MSN: variants seen among roughly 807,000 people sequenced by gnomAD.
The protein encoded by MSN is epididymis luminal protein 70.
Under a neutral mutation model 48.0 loss-of-function variants are expected in MSN, and 2 were observed. That is an observed-to-expected ratio of 0.04 (90% CI 0.02 to 0.13). The LOEUF (loss-of-function observed/expected upper bound fraction) is 0.13. Ranked by LOEUF, MSN falls within the 10% of genes least tolerant of loss-of-function variation. The probability of loss-of-function intolerance (pLI) is 1.00; values close to 1 mark genes in which losing one functional copy is unlikely to be tolerated. For synonymous variants in MSN, 146 were observed against 166.9 expected, an observed-to-expected ratio of 0.87 and a Z score of 0.97; for missense variants, 267 against 470.1, an observed-to-expected ratio of 0.57 and a Z score of 3.99.
intron 1 of MSN, among the ~76,000 whole-genome samples, chrX:65,611,834 G>A (rs2070322925): frequency 9.0e-6 from 1 of 111,287 alleles, no homozygotes; most frequent in African/African-American, 3.3e-5. Context: ...CCCACCAACA[G>A]TTCACAGAAG....
intron 1 of MSN, among the ~76,000 whole-genome samples, chrX:65,661,315 T>C (rs1373695129): frequency 8.9e-6 from 1 of 112,045 alleles, no homozygotes; most frequent in African/African-American, 3.2e-5. Context: ...TGAGGGTTTT[T>C]ATCATAAAGG....
intron 1 of MSN, among the ~76,000 whole-genome samples, chrX:65,683,942 C>CTTTTTTTTTTTTTT (rs370356986): frequency 1.2e-5 from 1 of 80,473 alleles, no homozygotes; most frequent in Non-Finnish European, 2.8e-5. Context: ...CTTTCTTTTT[C>CTTTTTTTTTTTTTT]TTTTTTTTTT....
At chrX:65,614,586 A>G (rs994083799) in intron 1 of MSN, among the ~76,000 whole-genome samples, 2 of 107,632 alleles carry the variant, frequency 1.9e-5, no homozygotes, top group Non-Finnish European at 3.8e-5. Context: ...GGTCCTTCAC[A>G]TCCCTTGTAA....
At chrX:65,589,787 C>T (rs1055756546) in intron 1 of MSN, 1 of 112,181 alleles carries the variant, frequency 8.9e-6, no homozygotes, top group African/African-American at 3.2e-5. Flanking sequence ...CCTCTACAAG[C>T]CGACTGAGCC....
intron 1 of MSN, among the ~76,000 whole-genome samples, chrX:65,699,223 T>TCAGA (rs2071275981): frequency 8.9e-6 from 1 of 112,016 alleles, no homozygotes; most frequent in African/African-American, 3.3e-5. Context: ...TTGGGAACAC[T>TCAGA]CAGACCTACA....
chrX:65,696,566 G>A (rs538424836), intron 1 of MSN, among the ~76,000 whole-genome samples: 1 of 110,932 alleles, frequency 9.0e-6, no homozygotes, highest in Admixed American at 9.6e-5. Flanking sequence ...GGGGCTGGGG[G>A]TAGGATTCTT....
chrX:65,693,501 T>C (rs1023573811), intron 1 of MSN, among the ~76,000 whole-genome samples: 1 of 111,405 alleles, frequency 9.0e-6, no homozygotes, highest in Non-Finnish European at 1.9e-5. Context: ...AGTCAATGAG[T>C]GAGGTTGGCT....
chrX:65,682,968 T>G (rs946511551), intron 1 of MSN, among the ~76,000 whole-genome samples: 3 of 111,723 alleles, frequency 2.7e-5, no homozygotes, highest in African/African-American at 9.8e-5. Context: ...GGCCAGCATG[T>G]TCATAGCCAT....
intron 1 of MSN, among the ~76,000 whole-genome samples, chrX:65,703,546 T>A (rs1029536722): frequency 5.4e-5 from 6 of 110,886 alleles, no homozygotes; most frequent in African/African-American, 2.0e-4. Flanking sequence ...CCCCTGGGGT[T>A]GAAAACAGAG....
exon 1 of MSN, chrX:65,588,453 TG>T: frequency 1.9e-6 from 1 of 528,820 alleles, no homozygotes. Context: ...GAGCACACCC[TG>T]GCCCTGGGGC....
rs757977163 is a variant in MSN at position 65,712,546 on chromosome X, A to AT, written c.13-4254dup. ...GACCAACTTAGAAAATGTAGATTAG[A>AT]TTTTTTTTTTTTTTTTTTAGTTTAA... is the stretch of plus-strand genomic sequence containing the variant. On this transcript the variant is annotated intron_variant, in intron 1 of 12. Transcript: ENST00000360270. Among the ~76,000 whole-genome samples the AT allele has an allele frequency of 6.7e-3, 650 of 97,285 alleles. 5 individuals are homozygous for AT. Among genetic ancestry groups the AT allele is most frequent in the African/African-American group, 0.017 (460 of 26,950 alleles). The allele number at this position is 97,285 out of a possible 115,157, so 84.5% of individuals were successfully genotyped here. A position where few individuals can be genotyped will look rare whatever the true frequency, so the allele number is the denominator to read the frequency against.
chrX:65,651,523 T>C, intron 1 of MSN, among the ~76,000 whole-genome samples: 1 of 106,879 alleles, frequency 9.4e-6, no homozygotes, highest in Non-Finnish European at 1.9e-5. Context: ...GGGGGATGTA[T>C]TCTATTTTAG....
chrX:65,686,660 G>A (rs1385117636), intron 1 of MSN, among the ~76,000 whole-genome samples: 2 of 112,406 alleles, frequency 1.8e-5, no homozygotes, highest in Non-Finnish European at 3.8e-5. Flanking sequence ...CTTACTTGCT[G>A]TTTGACCTTG....
intron 2 of MSN, among the ~76,000 whole-genome samples, chrX:65,723,270 T>G (rs778736064): frequency 8.9e-6 from 1 of 112,111 alleles, no homozygotes; most frequent in African/African-American, 3.2e-5. Flanking sequence ...AATTCATTAT[T>G]TATGGAGTAG....
intron 1 of MSN, among the ~76,000 whole-genome samples, chrX:65,644,997 A>T (rs1195707405): frequency 8.9e-6 from 1 of 112,623 alleles, no homozygotes; most frequent in African/African-American, 3.2e-5. Context: ...CCCCAATCTC[A>T]GAACAGAGCT....
At chrX:65,617,529 A>G (rs1295571954) in intron 1 of MSN, among the ~76,000 whole-genome samples, 1 of 106,713 alleles carries the variant, frequency 9.4e-6, no homozygotes, top group Non-Finnish European at 1.9e-5. Flanking sequence ...GGTAGTTTGT[A>G]TTTCTGTGGG....
At chrX:65,685,746 T>C (rs1013443445) in intron 1 of MSN, among the ~76,000 whole-genome samples, 1 of 111,817 alleles carries the variant, frequency 8.9e-6, no homozygotes, top group African/African-American at 3.3e-5. Flanking sequence ...CCACTGTGCC[T>C]GGCCAATTTT....
In MSN at chrX:65,741,395, C is replaced by T. The variant is rs2071735184; in HGVS notation, c.*1502C>T. The stretch of plus-strand genomic sequence containing the variant: ...TGATTTTGGCCTCATTACTTTACCA[C>T]CCCCACACCTGGAAAGCATATACTA... On this transcript the variant is annotated 3_prime_UTR_variant, in exon 13 of 13. Coordinates refer to ENST00000360270, the MANE Select transcript of MSN (RefSeq NM_002444.3). The T allele has an allele frequency of 6.0e-6, 1 of 167,779 alleles. No individual in the cohort carries two copies. 13.8% of individuals were successfully genotyped at this position (167,779 alleles called of 1,213,427 possible). A position where few individuals can be genotyped will look rare whatever the true frequency, so the allele number is the denominator to read the frequency against.
chrX:65,681,671 G>A (rs922128193), intron 1 of MSN, among the ~76,000 whole-genome samples: 1 of 112,285 alleles, frequency 8.9e-6, no homozygotes, highest in Non-Finnish European at 1.9e-5. Flanking sequence ...GGAATGGAAA[G>A]AGTAATAGCA....
Sources: gnomAD v4.1 joint callset for allele counts (sites outside exome capture counted in the v4.1 genomes callset) on GRCh38, gnomAD v4.1.1 for gene constraint, MANE v1.5 for transcripts, NCBI Gene and HGNC (gene_info 2026-07-23, HGNC 2026-07-21) for gene names.